PLXDC2: variants seen among roughly 807,000 people sequenced by gnomAD.
PLXDC2 encodes plexin domain-containing protein 2.
PLXDC2 carries 40 observed loss-of-function variants against 68.9 expected under a neutral mutation model. The observed-to-expected ratio is 0.58, with a 90% confidence interval of 0.45 to 0.76. PLXDC2 has a LOEUF of 0.76. PLXDC2 is among the 30% of genes least tolerant of loss of function. The pLI, the probability that PLXDC2 is intolerant of heterozygous loss-of-function variation, is 0.00. For missense variants in PLXDC2, 644 were observed against 661.9 expected, an observed-to-expected ratio of 0.97 and a Z score of 0.30; for synonymous variants, 243 against 234.2, an observed-to-expected ratio of 1.04 and a Z score of -0.34.
At chr10:20,121,079 T>C (rs1833691175) in intron 4 of PLXDC2, among the ~76,000 whole-genome samples, 1 of 152,248 alleles carries the variant, frequency 6.6e-6, no homozygotes, top group South Asian at 2.1e-4. Context: ...ACAATGGTAA[T>C]TGTGGAACTT....
At chr10:19,979,934 G>A (rs928348426) in intron 1 of PLXDC2, among the ~76,000 whole-genome samples, 4 of 152,196 alleles carry the variant, frequency 2.6e-5, no homozygotes, top group Non-Finnish European at 5.9e-5. Flanking sequence ...CTAATTGAAT[G>A]TGTATCATTG....
intron 2 of PLXDC2, among the ~76,000 whole-genome samples, chr10:20,011,462 C>G (rs112698175): frequency 6.6e-6 from 1 of 152,198 alleles, no homozygotes; most frequent in East Asian, 1.9e-4. Flanking sequence ...GTGTGAAAAA[C>G]GTCATCCACC....
chr10:19,897,157 C>G (rs999563643), intron 1 of PLXDC2, among the ~76,000 whole-genome samples: 5 of 151,814 alleles, frequency 3.3e-5, no homozygotes, highest in Non-Finnish European at 7.4e-5. Context: ...TAAAGAGCCT[C>G]TGTATTTCAG....
At chr10:19,898,134 G>A (rs753038746) in intron 1 of PLXDC2, among the ~76,000 whole-genome samples, 4 of 151,992 alleles carry the variant, frequency 2.6e-5, no homozygotes, top group Admixed American at 6.6e-5. Context: ...TGAATCATTC[G>A]CTCAATAAAT....
intron 1 of PLXDC2, among the ~76,000 whole-genome samples, chr10:19,874,163 C>T (rs1394760710): frequency 6.6e-6 from 1 of 152,184 alleles, no homozygotes; most frequent in African/African-American, 2.4e-5. Flanking sequence ...CCAATGAAAT[C>T]AGCAGCAAGT....
At chr10:20,168,444 CT>C (rs1236804297) in intron 7 of PLXDC2, among the ~76,000 whole-genome samples, 1 of 152,078 alleles carries the variant, frequency 6.6e-6, no homozygotes, top group Non-Finnish European at 1.5e-5. Flanking sequence ...GCTGAGTGCC[CT>C]TCAGAGTGGA....
chr10:20,085,951 G>GTAT (rs1231467568), intron 4 of PLXDC2, among the ~76,000 whole-genome samples: 1 of 152,156 alleles, frequency 6.6e-6, no homozygotes, highest in Non-Finnish European at 1.5e-5. Flanking sequence ...ATGGTAAAAG[G>GTAT]AAAAACTAAG....
At chr10:20,111,828 C>T (rs2131748694) in intron 4 of PLXDC2, among the ~76,000 whole-genome samples, 1 of 152,340 alleles carries the variant, frequency 6.6e-6, no homozygotes, top group African/African-American at 2.4e-5. Flanking sequence ...TAATTTCTAA[C>T]ACTGGCAATA....
At chr10:19,890,538 C>CT (rs1554842939) in intron 1 of PLXDC2, among the ~76,000 whole-genome samples, 1 of 129,760 alleles carries the variant, frequency 7.7e-6, no homozygotes. Context: ...TTTTCTGAGA[C>CT]GGGGTTTTTT....
chr10:19,936,191 G>T (rs2131393777), intron 1 of PLXDC2, among the ~76,000 whole-genome samples: 1 of 152,250 alleles, frequency 6.6e-6, no homozygotes, highest in Middle Eastern at 3.4e-3. Context: ...TAAGAAGCAG[G>T]ATTTTAATGG....
intron 1 of PLXDC2, among the ~76,000 whole-genome samples, chr10:19,908,289 A>G (rs1589530584): frequency 6.6e-6 from 1 of 152,198 alleles, no homozygotes; most frequent in East Asian, 1.9e-4. Context: ...AGGACATTTT[A>G]AGAAGTTTTC....
chr10:20,062,061 A>G (rs1216561606), intron 3 of PLXDC2, among the ~76,000 whole-genome samples: 4 of 152,228 alleles, frequency 2.6e-5, no homozygotes, highest in African/African-American at 9.6e-5. Context: ...TTATTTGGTC[A>G]TTTGATCCTT....
At chr10:20,019,991 A>G (rs956373693) in intron 2 of PLXDC2, among the ~76,000 whole-genome samples, 1 of 151,696 alleles carries the variant, frequency 6.6e-6, no homozygotes, top group African/African-American at 2.4e-5. Context: ...AAAAAAGAAA[A>G]CAAAAATCTC....
chr10:19,879,436 T>C (rs1401889438), intron 1 of PLXDC2, among the ~76,000 whole-genome samples: 1 of 152,194 alleles, frequency 6.6e-6, no homozygotes, highest in Non-Finnish European at 1.5e-5. Flanking sequence ...TTTATATCTC[T>C]ATGTGTGACG....
At chr10:20,158,759 T>G (rs539185318) in intron 6 of PLXDC2, among the ~76,000 whole-genome samples, 26 of 152,220 alleles carry the variant, frequency 1.7e-4, no homozygotes, top group African/African-American at 6.0e-4. Context: ...AATTTTATGC[T>G]GACAGAGGAC....
rs565944517 is a variant in PLXDC2, at chr10:20,159,389, A to G, written c.784-5079A>G. Among the ~76,000 whole-genome samples the G allele has an allele frequency of 6.2e-4, 95 of 152,216 alleles. 3 individuals are homozygous for G. The South Asian group carries it at 0.019, about 31-fold the overall frequency. On this transcript the variant is annotated intron_variant, in intron 6 of 13. Coordinates refer to ENST00000377252, the MANE Select transcript of PLXDC2 (RefSeq NM_032812.9). ...TTTATTAAATCTATGGGGAGTCTCA[A>G]TAGCAGTGCATACATAATTCTTCCA... is the stretch of plus-strand genomic sequence containing the variant.
chr10:20,173,356 A>T (rs981969922), intron 7 of PLXDC2, among the ~76,000 whole-genome samples: 2 of 152,220 alleles, frequency 1.3e-5, no homozygotes, highest in Non-Finnish European at 2.9e-5. Context: ...GAGATTTCTC[A>T]TATAGTCTCT....
At chr10:19,885,266 T>G (rs531148050) in intron 1 of PLXDC2, among the ~76,000 whole-genome samples, 1 of 151,480 alleles carries the variant, frequency 6.6e-6, no homozygotes, top group African/African-American at 2.4e-5. Flanking sequence ...CTTTGTCAGA[T>G]GAGTAGGTTG....
chr10:19,961,404 C>T (rs920055222), intron 1 of PLXDC2, among the ~76,000 whole-genome samples: 1 of 152,184 alleles, frequency 6.6e-6, no homozygotes. Context: ...CCTTTTGTTC[C>T]TAGCATTCTA....
Sources: allele counts gnomAD v4.1 joint callset (sites outside exome capture counted in the v4.1 genomes callset), GRCh38; gene constraint gnomAD v4.1.1; transcripts MANE v1.5; gene names NCBI Gene and HGNC (gene_info 2026-07-23, HGNC 2026-07-21).